Variants in SHISA6 observed in about 807,000 individuals in gnomAD.
SHISA6 encodes the protein shisa family member 6, also known as protein shisa-6.
Under a neutral mutation model 47.9 loss-of-function variants are expected in SHISA6, and 22 were observed. The observed-to-expected ratio is 0.46, with a 90% CI of 0.33 to 0.66. SHISA6 has a LOEUF of 0.66. Among genes scored for constraint, SHISA6 ranks in the 30% least tolerant of loss-of-function variants. SHISA6 has a pLI of 0.02. For missense variants in SHISA6, 680 were observed against 764.6 expected (o/e 0.89, Z 1.30); for synonymous variants, 388 against 337.8 (o/e 1.15, Z -1.63).
At chr17:11,484,741 A>G (rs1196672654) in intron 3 of SHISA6, among the ~76,000 whole-genome samples, 2 of 152,190 alleles carry the variant, frequency 1.3e-5, no homozygotes, top group East Asian at 3.8e-4. Flanking sequence ...GAAAATTTCT[A>G]GGAAACTATC....
chr17:11,385,137 G>A (rs1015633978), intron 3 of SHISA6, among the ~76,000 whole-genome samples: 1 of 152,108 alleles, frequency 6.6e-6, no homozygotes, highest in Admixed American at 6.5e-5. Context: ...ATGGAGTGGG[G>A]AGCTGCACTT....
intron 3 of SHISA6, among the ~76,000 whole-genome samples, chr17:11,423,466 G>A (rs1597505981): frequency 6.6e-6 from 1 of 151,758 alleles, no homozygotes; most frequent in South Asian, 2.1e-4. Context: ...CAAACCCAGG[G>A]CTGCATTTCT....
chr17:11,320,096 AG>A (rs1407718549), intron 2 of SHISA6, among the ~76,000 whole-genome samples: 8 of 152,252 alleles, frequency 5.3e-5, no homozygotes, highest in Non-Finnish European at 1.0e-4. Flanking sequence ...ACTGGCATTC[AG>A]GGAATGAGGA....
At chr17:11,455,013 C>CAAA (rs112873651) in intron 3 of SHISA6, among the ~76,000 whole-genome samples, 2 of 151,626 alleles carry the variant, frequency 1.3e-5, no homozygotes, top group African/African-American at 4.9e-5. Context: ...ACTAAAAATA[C>CAAA]AAAAAAATAG....
At chr17:11,438,384 A>G (rs1055921057) in intron 3 of SHISA6, among the ~76,000 whole-genome samples, 2 of 152,162 alleles carry the variant, frequency 1.3e-5, no homozygotes, top group Non-Finnish European at 2.9e-5. Context: ...AGACTGGGGG[A>G]GCTAAGCAAC....
At chr17:11,307,278 A>G (rs1375819627) in intron 2 of SHISA6, among the ~76,000 whole-genome samples, 1 of 151,852 alleles carries the variant, frequency 6.6e-6, no homozygotes, top group East Asian at 1.9e-4. Context: ...CTCTATTGAG[A>G]TAACTGTTGC....
intron 1 of SHISA6, among the ~76,000 whole-genome samples, chr17:11,246,445 G>T (rs1443473405): frequency 2.0e-5 from 3 of 152,148 alleles, no homozygotes; most frequent in African/African-American, 7.2e-5. Context: ...AGCCAAGATC[G>T]CACCACTGCA....
intron 3 of SHISA6, among the ~76,000 whole-genome samples, chr17:11,482,536 A>G (rs542574521): frequency 6.6e-6 from 1 of 152,288 alleles, no homozygotes; most frequent in South Asian, 2.1e-4. Context: ...TTACACTAAC[A>G]TGTTTATCTG....
chr17:11,299,412 C>T (rs994676602), intron 2 of SHISA6, among the ~76,000 whole-genome samples: 2 of 151,864 alleles, frequency 1.3e-5, no homozygotes, highest in South Asian at 4.2e-4. Context: ...AAGTAACATG[C>T]TGTATTCATT....
chr17:11,527,789 A>C (rs2071698680), intron 3 of SHISA6, among the ~76,000 whole-genome samples: 1 of 152,180 alleles, frequency 6.6e-6, no homozygotes, highest in African/African-American at 2.4e-5. Context: ...TAAAATATTT[A>C]CTCACTGCCT....
At chr17:11,451,162 GC>G (rs1347709760) in intron 3 of SHISA6, among the ~76,000 whole-genome samples, 4 of 152,132 alleles carry the variant, frequency 2.6e-5, no homozygotes, top group South Asian at 4.2e-4. Context: ...ACTCTTCCAG[GC>G]ATCTCAAATG....
intron 2 of SHISA6, among the ~76,000 whole-genome samples, chr17:11,317,512 A>T (rs1910563810): frequency 6.6e-6 from 1 of 151,950 alleles, no homozygotes; most frequent in East Asian, 1.9e-4. Context: ...ATAAATACAC[A>T]TATGTATATT....
intron 2 of SHISA6, among the ~76,000 whole-genome samples, chr17:11,373,023 T>C (rs1912677813): frequency 6.6e-6 from 1 of 151,924 alleles, no homozygotes; most frequent in South Asian, 2.1e-4. Context: ...TTTATTTCTG[T>C]CAATAAAGAT....
At chr17:11,261,961 A>T (rs928954353) in intron 1 of SHISA6, among the ~76,000 whole-genome samples, 1 of 151,902 alleles carries the variant, frequency 6.6e-6, no homozygotes, top group Non-Finnish European at 1.5e-5. Flanking sequence ...CAATTTCTCT[A>T]CCTCCTTGCC....
intron 3 of SHISA6, among the ~76,000 whole-genome samples, chr17:11,497,063 G>T (rs982009085): frequency 6.6e-6 from 1 of 152,170 alleles, no homozygotes; most frequent in Non-Finnish European, 1.5e-5. Context: ...ACACTGTAGT[G>T]GGGGGACCCC....
chr17:11,336,997 C>G (rs1567577052), intron 2 of SHISA6, among the ~76,000 whole-genome samples: 1 of 152,164 alleles, frequency 6.6e-6, no homozygotes, highest in African/African-American at 2.4e-5. Flanking sequence ...CAAAGTCAGA[C>G]AAGGAGGAGT....
chr17:11,258,467 G>T (rs1360680496), intron 1 of SHISA6, among the ~76,000 whole-genome samples: 1 of 152,166 alleles, frequency 6.6e-6, no homozygotes, highest in African/African-American at 2.4e-5. Context: ...CACTTAATTT[G>T]GGGGGAACTA....
rs1454843405 is a variant in SHISA6 at position 11,557,730 on chromosome 17, T to G, written c.1106-24T>G. 2.6e-6 allele frequency: 4 copies of G among 1,513,496 alleles called. No homozygotes were observed. In the Admixed American group the frequency reaches 8.3e-5, roughly 32 times the overall value. 93.8% of individuals were successfully genotyped at this position (1,513,496 alleles called of 1,614,324 possible). A position where few individuals can be genotyped will look rare whatever the true frequency, so the allele number is the denominator to read the frequency against. ...CTGCAGGGTCACCCCAGTTGCCTTC[T>G]CTCACTCTGTCTCTCCCCTGCAGCC... On this transcript the variant is annotated intron_variant, in intron 5 of 5. Coordinates refer to ENST00000441885, the MANE Select transcript of SHISA6 (RefSeq NM_207386.4).
Position 11,559,537 on chromosome 17 carries a change from T to TC in SHISA6, c.*1238dup, listed in dbSNP as rs1364686069. ...ATCACTCCTACTGCCTGTGTCCCCTTCCCCCACATCCTCCCTGCAACTTTA... is the reference window on the plus strand; with the variant it reads ...ATCACTCCTACTGCCTGTGTCCCCTTCCCCCCACATCCTCCCTGCAACTTTA... On this transcript the variant is annotated 3_prime_UTR_variant, in exon 6 of 6. Transcript: ENST00000441885. The surrounding 1 kb of genome is among the most constrained non-coding windows in gnomAD (Gnocchi z 4.4). 2 of 152,748 alleles carry TC rather than the reference T, an allele frequency of 1.3e-5. No individual in the cohort carries two copies. Among genetic ancestry groups the TC allele is most frequent in the Non-Finnish European group, 2.9e-5 (2 of 68,498 alleles). The allele number at this position is 152,748 out of a possible 1,614,324, so 9.5% of individuals were successfully genotyped here. A position where few individuals can be genotyped will look rare whatever the true frequency, so the allele number is the denominator to read the frequency against.
Sources: gnomAD v4.1 joint callset for allele counts (sites outside exome capture counted in the v4.1 genomes callset) on GRCh38, gnomAD v4.1.1 for gene constraint, Gnocchi (gnomAD v3.1) non-coding constraint, MANE v1.5 for transcripts, NCBI Gene and HGNC (gene_info 2026-07-23, HGNC 2026-07-21) for gene names.